The following NEK6 variants were observed in gnomAD, a reference collection of about 807,000 sequenced individuals.
NEK6 encodes the protein NIMA related kinase 6, also known as serine/threonine-protein kinase Nek6.
In NEK6, 27 loss-of-function variants were observed where a neutral mutation model predicts 43.5. That is an observed-to-expected ratio of 0.62 (90% confidence interval 0.46 to 0.86). The LOEUF (loss-of-function observed/expected upper bound fraction) is 0.86, where lower values mean the gene tolerates loss of function less well. Among genes scored for constraint, NEK6 ranks in the 40% least tolerant of loss-of-function variants. The pLI is 0.00. For synonymous variants in NEK6, 167 were observed against 164.1 expected (o/e 1.02, Z -0.14); for missense variants, 318 against 414.4 (o/e 0.77, Z 2.02).
At chr9:124,301,219 G>T (rs966099985) in intron 1 of NEK6, among the ~76,000 whole-genome samples, 3 of 152,186 alleles carry the variant, frequency 2.0e-5, no homozygotes, top group Non-Finnish European at 4.4e-5. Context: ...TGGGGGAGAT[G>T]CCCAGATGGC....
intron 2 of NEK6, among the ~76,000 whole-genome samples, chr9:124,306,388 T>G (rs185862038): frequency 6.6e-6 from 1 of 152,254 alleles, no homozygotes; most frequent in African/African-American, 2.4e-5. Flanking sequence ...GTTTTGTTAT[T>G]AGGAGTCTTC....
At chr9:124,293,072 C>T (rs1230918494) in intron 1 of NEK6, 9 of 1,420,772 alleles carry the variant, frequency 6.3e-6, no homozygotes, top group Admixed American at 5.5e-5. Context: ...GGCCTGCTAG[C>T]GGGCCTGGGA....
At chr9:124,283,531 C>G (rs1301126084) in intron 1 of NEK6, among the ~76,000 whole-genome samples, 2 of 152,092 alleles carry the variant, frequency 1.3e-5, no homozygotes, top group Non-Finnish European at 2.9e-5. Context: ...GAGGGAGGGT[C>G]ATGTGCAGGG....
rs1258221647 is a variant in NEK6, at chr9:124,292,787, A to G, written c.-29-9149A>G. Reference sequence around the variant, plus strand: ...CAGTTACCCAGCCTCTCCTCTGCCAACTGCTGGGGCCATGGAGAGAGTGGT... The same window carrying G: ...CAGTTACCCAGCCTCTCCTCTGCCAGCTGCTGGGGCCATGGAGAGAGTGGT... On this transcript the variant is annotated intron_variant, in intron 1 of 9. Transcript: ENST00000320246. 3.7e-6 allele frequency: 5 copies of G among 1,358,052 alleles called. No homozygotes were observed. In the African/African-American group the frequency reaches 4.4e-5, roughly 12 times the overall value. 84.1% of individuals were successfully genotyped at this position (1,358,052 alleles called of 1,614,324 possible). A position where few individuals can be genotyped will look rare whatever the true frequency, so the allele number is the denominator to read the frequency against.
chr9:124,286,173 C>T (rs1832151014), intron 1 of NEK6, among the ~76,000 whole-genome samples: 1 of 152,244 alleles, frequency 6.6e-6, no homozygotes, highest in South Asian at 2.1e-4. Context: ...CACAGAATGT[C>T]TGAAACCTCT....
intron 2 of NEK6, among the ~76,000 whole-genome samples, chr9:124,303,652 T>C (rs1281375926): frequency 6.6e-6 from 1 of 152,198 alleles, no homozygotes; most frequent in Non-Finnish European, 1.5e-5. Flanking sequence ...GGGGCATCTA[T>C]GCTATTTGTA....
intron 1 of NEK6, among the ~76,000 whole-genome samples, chr9:124,261,743 C>G (rs528308600): frequency 6.6e-6 from 1 of 152,148 alleles, no homozygotes; most frequent in Non-Finnish European, 1.5e-5. Context: ...CAGTGTCCTT[C>G]GGTGTTGAAA....
In NEK6 at chr9:124,327,346, C is replaced by G. The variant is rs760926146; in HGVS notation, c.523C>G (p.Pro175Ala). Residue 175 changes from proline (P) to alanine (A), a missense_variant, in exon 7 of 10, where the codon CCT becomes GCT. This residue lies in a region of NEK6 where 239 missense variants were observed against 344.4 expected (regional missense o/e 0.69). Transcript: ENST00000320246. The stretch of plus-strand genomic sequence containing the variant: ...TTCTCCTCGCCCTGCAGACATCAAG[C>G]CTGCCAACGTGTTCATCACAGCCAC... ...SRRVMHRDIKPANVFITATGV... is the reference protein window; with the variant it reads ...SRRVMHRDIKAANVFITATGV... The G allele has an allele frequency of 6.2e-7, 1 of 1,613,768 alleles. No individual in the cohort carries two copies.
rs545908188 is a variant in NEK6 at position 124,343,401 on chromosome 9, A to G, written c.717+3736A>G. On this transcript the variant is annotated intron_variant, in intron 8 of 9. Transcript: ENST00000320246. This position sits in a 1 kb window ranked among gnomAD's most constrained non-coding sequence, Gnocchi z 5.1. ...ACAGCAGTCAAGCCCTGAGGGGATT[A>G]GCGTCCTCAGGGACATCAGGCGCTG... Among the ~76,000 whole-genome samples, 45 of 152,234 alleles carry G rather than the reference A, an allele frequency of 3.0e-4. 4 individuals carry two copies. Among genetic ancestry groups the G allele is most frequent in the South Asian group, 2.9e-3 (14 of 4,824 alleles).
chr9:124,347,924 A>C (rs774520748), intron 9 of NEK6, 102 bp downstream of exon 9: 2 of 681,454 alleles, frequency 2.9e-6, no homozygotes, highest in East Asian at 5.4e-5. Context: ...GGTTAGGCTC[A>C]CTTTACACGG....
intron 5 of NEK6, among the ~76,000 whole-genome samples, chr9:124,322,365 C>T (rs919108099): frequency 8.5e-5 from 13 of 152,314 alleles, no homozygotes; most frequent in African/African-American, 2.6e-4. Flanking sequence ...GGGCACAGGG[C>T]GGAGTTCACC....
At chr9:124,335,653 C>T (rs565815112) in intron 7 of NEK6, among the ~76,000 whole-genome samples, 2 of 152,360 alleles carry the variant, frequency 1.3e-5, no homozygotes, top group South Asian at 4.1e-4. Context: ...AGTGAGCGGA[C>T]GCCCACAAGG....
rs1834316921 is a variant in NEK6 at position 124,326,113 on chromosome 9, A to G, written c.406-217A>G. On this transcript the variant is annotated intron_variant, in intron 5 of 9. Coordinates refer to ENST00000320246, the MANE Select transcript of NEK6 (RefSeq NM_014397.6). This position sits in a 1 kb window ranked among gnomAD's most constrained non-coding sequence, Gnocchi z 4.5. ...CTCACGGAGCTTGCTGGGTTGGGACAGGGTGGCTGCAGAGTGCCATTCAGG... is the reference window on the plus strand; with the variant it reads ...CTCACGGAGCTTGCTGGGTTGGGACGGGGTGGCTGCAGAGTGCCATTCAGG... Among the ~76,000 whole-genome samples, 1 of 152,202 alleles carries G rather than the reference A, an allele frequency of 6.6e-6. No individual in the cohort carries two copies. The highest frequency in any genetic ancestry group is 2.1e-4 in the South Asian group (1 of 4,836).
chr9:124,304,995 C>A (rs1833180614), intron 2 of NEK6, among the ~76,000 whole-genome samples: 1 of 152,178 alleles, frequency 6.6e-6, no homozygotes, highest in Non-Finnish European at 1.5e-5. Context: ...ACACTAAGAA[C>A]CACGTGAATT....
intron 4 of NEK6, among the ~76,000 whole-genome samples, chr9:124,318,223 G>A (rs113938698): frequency 0.014 from 2,088 of 152,190 alleles, 39 homozygotes; most frequent in African/African-American, 0.048. Context: ...CATTCTGACT[G>A]GTGTGAAATG....
intron 7 of NEK6, among the ~76,000 whole-genome samples, chr9:124,330,867 CT>C (rs201585637): frequency 0.022 from 3,417 of 152,218 alleles, 70 homozygotes; most frequent in Non-Finnish European, 0.038. Context: ...CCCAGGGTGG[CT>C]CCACCCCTCC....
At chr9:124,271,348 CA>C (rs1338112210) in intron 1 of NEK6, among the ~76,000 whole-genome samples, 2 of 152,360 alleles carry the variant, frequency 1.3e-5, no homozygotes, top group Admixed American at 6.5e-5. Context: ...TGGATTCCAC[CA>C]GCTGTCACGC....
rs759381068 is a variant in NEK6 at position 124,281,487 on chromosome 9, C to CTTT, written c.-29-20421_-29-20419dup. 2.8e-3 allele frequency among the ~76,000 whole-genome samples: 290 copies of CTTT among 102,880 alleles called. 8 individuals carry two copies. The highest frequency in any genetic ancestry group is 4.2e-3 in the East Asian group (13 of 3,124). The allele number at this position is 102,880 out of a possible 152,430, so 67.5% of individuals were successfully genotyped here. On this transcript the variant is annotated intron_variant, in intron 1 of 9. Transcript: ENST00000320246. ...CTACTTTCCATGTCAGCTGTTTTTT[C>CTTT]TTTTTTTTTTTTTTTTTTTTTTTTT...
intron 1 of NEK6, among the ~76,000 whole-genome samples, chr9:124,298,148 G>T (rs570081157): frequency 6.6e-6 from 1 of 152,106 alleles, no homozygotes; most frequent in Non-Finnish European, 1.5e-5. Flanking sequence ...TCTACCAATA[G>T]CCCCGAGGGT....
Sources: allele counts gnomAD v4.1 joint callset (sites outside exome capture counted in the v4.1 genomes callset), GRCh38; gene constraint gnomAD v4.1.1; regional missense constraint gnomAD v4.1.1; non-coding constraint Gnocchi (gnomAD v3.1); transcripts MANE v1.5; gene names NCBI Gene and HGNC (gene_info 2026-07-23, HGNC 2026-07-21).